Variants in MEX3A observed in about 807,000 individuals in gnomAD.
MEX3A encodes RNA-binding protein MEX3A.
MEX3A carries 4 observed loss-of-function variants against 30.0 expected under a neutral mutation model. The ratio of observed to expected loss-of-function variants is 0.13; its 90% CI spans 0.07 to 0.30. The LOEUF is 0.30. MEX3A is among the 10% of genes least tolerant of loss of function. The pLI is 1.00. For synonymous variants in MEX3A, 335 were observed against 327.6 expected (o/e 1.02, Z -0.24); for missense variants, 555 against 736.7 (o/e 0.75, Z 2.86).
intron 1 of MEX3A, 102 bp downstream of exon 1, chr1:156,081,443 C>G: frequency 9.7e-7 from 1 of 1,033,812 alleles, no homozygotes; most frequent in South Asian, 1.4e-5. Flanking sequence ...GGGGAAGGGA[C>G]AGAGCCGGAG....
rs1219181662 is a variant in MEX3A at position 156,073,953 on chromosome 1, G to C, written c.*2621C>G. 5 of 152,658 alleles carry C rather than the reference G, an allele frequency of 3.3e-5. No individual in the cohort carries two copies. The South Asian group carries it at 6.2e-4, about 19-fold the overall frequency. The allele number at this position is 152,658 out of a possible 1,614,324, so 9.5% of individuals were successfully genotyped here. A position where few individuals can be genotyped will look rare whatever the true frequency, so the allele number is the denominator to read the frequency against. The stretch of plus-strand genomic sequence containing the variant: ...TGTTTGGCTCTGCCGGCTCCCCTGA[G>C]GGGGAGGGGGAGAGGGGAGGAGGAG... On this transcript the variant is annotated 3_prime_UTR_variant, in exon 2 of 2. Transcript: ENST00000532414.
At position 156,074,829 on chromosome 1, in the gene MEX3A, A is replaced by C. The variant is rs534797535; in HGVS notation, c.*1745T>G. On this transcript the variant is annotated 3_prime_UTR_variant, in exon 2 of 2. Coordinates refer to ENST00000532414, the MANE Select transcript of MEX3A (RefSeq NM_001093725.2). ...CTCCCTGGCTGGTGTTCTGGAGGGGAAGGCTGTGGAGAGGTGTTAATTCTC... is the reference window on the plus strand; with the variant it reads ...CTCCCTGGCTGGTGTTCTGGAGGGGCAGGCTGTGGAGAGGTGTTAATTCTC... 5.2e-5 allele frequency: 8 copies of C among 152,742 alleles called. No homozygotes were observed. The highest frequency in any genetic ancestry group is 5.2e-4 in the Admixed American group (8 of 15,286). 9.5% of individuals were successfully genotyped at this position (152,742 alleles called of 1,614,324 possible). A position where few individuals can be genotyped will look rare whatever the true frequency, so the allele number is the denominator to read the frequency against.
In MEX3A at chr1:156,081,906, C is replaced by T; in HGVS notation, c.93G>A (p.Leu31=). The T allele has an allele frequency of 6.5e-7, 1 of 1,527,528 alleles. No individual in the cohort carries two copies. Among genetic ancestry groups the T allele is most frequent in the Non-Finnish European group, 8.8e-7 (1 of 1,136,220 alleles). The allele number at this position is 1,527,528 out of a possible 1,614,324, so 94.6% of individuals were successfully genotyped here. A position where few individuals can be genotyped will look rare whatever the true frequency, so the allele number is the denominator to read the frequency against. Residue 31 remains leucine (L), a synonymous_variant, in exon 1 of 2, where the codon CTG becomes CTA. Transcript: ENST00000532414. ...GCTGAAGGGCGCGCTCGTCTTCCAG[C>T]AGCCCTCGGTCCTTAGCGCTTCCCC... is the stretch of plus-strand genomic sequence containing the variant. ...CFGGSAKDRG[L]LEDERALQLA...
In MEX3A at chr1:156,074,743, G is replaced by A. The variant is rs1262977912; in HGVS notation, c.*1831C>T. On this transcript the variant is annotated 3_prime_UTR_variant, in exon 2 of 2. Transcript: ENST00000532414. ...CAGACATCTCAGGATGGCTCACATA[G>A]GCGGGAAGGAGGGAAGTCGTCACAG... The A allele has an allele frequency of 2.6e-5, 4 of 152,254 alleles. No individual in the cohort carries two copies. Among genetic ancestry groups the A allele is most frequent in the Admixed American group, 6.6e-5 (1 of 15,202 alleles). 9.4% of individuals were successfully genotyped at this position (152,254 alleles called of 1,614,324 possible).
chr1:156,076,966 G>C lies in MEX3A; in HGVS notation c.1171C>G (p.Leu391Val). Reference sequence around the variant, plus strand: ...GTGGCGTTCTCCTGGCCCGCCCACAGCGGGGGGCTAGTCTCGGCCACGCCG... The same window carrying C: ...GTGGCGTTCTCCTGGCCCGCCCACACCGGGGGGCTAGTCTCGGCCACGCCG... ...YYGVAETSPP[L>V]WAGQENATPT... Residue 391 changes from leucine (L) to valine (V), a missense_variant, in exon 2 of 2, where the codon CTG (leucine) becomes GTG (valine). Transcript: ENST00000532414. This position sits in a 1 kb window ranked among gnomAD's most constrained non-coding sequence, Gnocchi z 6.0. 3 of 1,611,652 alleles carry C rather than the reference G, an allele frequency of 1.9e-6. No homozygotes were observed. The highest frequency in any genetic ancestry group is 2.5e-6 in the Non-Finnish European group (3 of 1,179,022).
Position 156,077,159 on chromosome 1 carries a change from G to C in MEX3A, c.978C>G (p.Pro326=), listed in dbSNP as rs561442043. Residue 326 remains proline, a synonymous_variant, in exon 2 of 2, where the codon CCC becomes CCG. Transcript: ENST00000532414. This position sits in a 1 kb window ranked among gnomAD's most constrained non-coding sequence, Gnocchi z 8.3. ...GGAAGGTGGAGAGGGGCTTGCAGCC[G>C]GGCTGGTGCACCCGCCAGGCGTCGG... ...RYSDAWRVHQ[P]GCKPLSTFRQ... is the part of the protein sequence containing the mutation. The C allele has an allele frequency of 1.1e-5, 17 of 1,613,512 alleles. No individual in the cohort carries two copies. In the East Asian group the frequency reaches 2.9e-4, roughly 28 times the overall value.
At position 156,077,130 on chromosome 1, in the gene MEX3A, T is replaced by G; in HGVS notation, c.1007A>C (p.Gln336Pro). The G allele has an allele frequency of 6.2e-7, 1 of 1,613,794 alleles. No homozygotes were observed. Among genetic ancestry groups the G allele is most frequent in the Non-Finnish European group, 8.5e-7 (1 of 1,179,832 alleles). The change falls in exon 2 of 2, where the codon CAG becomes CCG. Residue 336 changes from glutamine to proline, a missense_variant. This residue lies in a region of MEX3A where 281 missense variants were observed against 265.1 expected (regional missense o/e 1.06). Coordinates refer to ENST00000532414, the MANE Select transcript of MEX3A (RefSeq NM_001093725.2). The surrounding 1 kb of genome is among the most constrained non-coding windows in gnomAD (Gnocchi z 8.3). Reference sequence around the variant, plus strand: ...CTCGCCGATGCAGCCCAGGCTGTTCTGCCGGAAGGTGGAGAGGGGCTTGCA... The same window carrying G: ...CTCGCCGATGCAGCCCAGGCTGTTCGGCCGGAAGGTGGAGAGGGGCTTGCA... ...PGCKPLSTFR[Q>P]NSLGCIGECG...
chr1:156,081,755 G>A lies in MEX3A; in HGVS notation c.244C>T (p.Pro82Ser). ...GCCGGGGGCGCCGCGGGCGGCGGCG[G>A]CGGGGCCGGCTGCGGGGGGGCGGCC... The part of the protein sequence containing the change: ...QPAAPPQPAP[P>S]PPPAAPPAAP... The change falls in exon 1 of 2, where the codon CCG (proline) becomes TCG (serine). Residue 82 changes from proline to serine, a missense_variant. Physicochemically the swap from Pro to Ser is moderately conservative, Grantham distance 74 (BLOSUM62 -1). Coordinates refer to ENST00000532414, the MANE Select transcript of MEX3A (RefSeq NM_001093725.2). 1.2e-6 allele frequency: 1 copy of A among 837,870 alleles called. No individual in the cohort carries two copies. Among genetic ancestry groups the A allele is most frequent in the Non-Finnish European group, 1.4e-6 (1 of 697,114 alleles). The allele number at this position is 837,870 out of a possible 1,614,324, so 51.9% of individuals were successfully genotyped here. A position where few individuals can be genotyped will look rare whatever the true frequency, so the allele number is the denominator to read the frequency against.
chr1:156,082,017 GGAGAGAGAGAGGGA>G lies in MEX3A; in HGVS notation c.-33_-20del. The G allele has an allele frequency of 7.0e-7, 1 of 1,430,060 alleles. No homozygotes were observed. The highest frequency in any genetic ancestry group is 9.3e-7 in the Non-Finnish European group (1 of 1,074,442). The allele number at this position is 1,430,060 out of a possible 1,614,324, so 88.6% of individuals were successfully genotyped here. A position where few individuals can be genotyped will look rare whatever the true frequency, so the allele number is the denominator to read the frequency against. On this transcript the variant is annotated 5_prime_UTR_variant, in exon 1 of 2. Coordinates refer to ENST00000532414, the MANE Select transcript of MEX3A (RefSeq NM_001093725.2). ...TAGGCATGGCGAAACAAAAGCTGGG[GGAGAGAGAGAGGGA>G]GAGAGAGAGAGAGAGGTGGTGGAAG... is the stretch of plus-strand genomic sequence containing the variant.
chr1:156,080,648 A>G (rs1286507961), intron 1 of MEX3A, among the ~76,000 whole-genome samples: 3 of 151,810 alleles, frequency 2.0e-5, no homozygotes, highest in Non-Finnish European at 4.4e-5. Context: ...TCACCCACCC[A>G]GGGATGCTGG....
At position 156,081,531 on chromosome 1, in the gene MEX3A, G is replaced by A. The variant is rs762680589; in HGVS notation, c.454+14C>T. ...CACTACAGTCCCTCTCAGTGGTCCC[G>A]GCGCCCCGCTTACCTTGCCTGCCCA... is the stretch of plus-strand genomic sequence containing the variant. On this transcript the variant is annotated intron_variant, in intron 1 of 1. Coordinates refer to ENST00000532414, the MANE Select transcript of MEX3A (RefSeq NM_001093725.2). The A allele has an allele frequency of 6.2e-7, 1 of 1,602,144 alleles. No individual in the cohort carries two copies. Among genetic ancestry groups the A allele is most frequent in the South Asian group, 1.1e-5 (1 of 89,668 alleles).
At position 156,082,092 on chromosome 1, in the gene MEX3A, G is replaced by A. The variant is rs1648271169; in HGVS notation, c.-94C>T. On this transcript the variant is annotated 5_prime_UTR_variant, in exon 1 of 2. Transcript: ENST00000532414. The stretch of plus-strand genomic sequence containing the variant: ...AGAGAGGAGGGGAGGGGAGAGGAGA[G>A]GAGGGGGTGTGTGGGGAGGGGGGAA... 1 of 335,540 alleles carries A rather than the reference G, an allele frequency of 3.0e-6. No homozygotes were observed. The highest frequency in any genetic ancestry group is 5.3e-6 in the Non-Finnish European group (1 of 190,044). 20.8% of individuals were successfully genotyped at this position (335,540 alleles called of 1,614,324 possible).
intron 1 of MEX3A, among the ~76,000 whole-genome samples, chr1:156,081,071 A>G (rs1648214225): frequency 6.6e-6 from 1 of 151,916 alleles, no homozygotes; most frequent in South Asian, 2.1e-4. Context: ...AGCCCAACAA[A>G]GAGACAGATA....
In MEX3A at chr1:156,077,729, A is replaced by C. The variant is rs779388044; in HGVS notation, c.455-47T>G. The C allele has an allele frequency of 2.0e-6, 3 of 1,525,484 alleles. No homozygotes were observed. Among genetic ancestry groups the C allele is most frequent in the Non-Finnish European group, 2.6e-6 (3 of 1,141,866 alleles). The allele number at this position is 1,525,484 out of a possible 1,614,324, so 94.5% of individuals were successfully genotyped here. ...GAGAGACAAAGAAACGCACACAGCA[A>C]GGTTTGTGCTGGGACCAATAAATTC... is the stretch of plus-strand genomic sequence containing the variant. On this transcript the variant is annotated intron_variant, in intron 1 of 1. Coordinates refer to ENST00000532414, the MANE Select transcript of MEX3A (RefSeq NM_001093725.2). This position sits in a 1 kb window ranked among gnomAD's most constrained non-coding sequence, Gnocchi z 8.3.
Position 156,081,986 on chromosome 1 carries a change from C to G in MEX3A, c.13G>C (p.Val5Leu). Residue 5 changes from valine to leucine, a missense_variant, in exon 1 of 2, where the codon GTG becomes CTG. Coordinates refer to ENST00000532414, the MANE Select transcript of MEX3A (RefSeq NM_001093725.2). MPSL[V>L]VSGIMERNGG... is the part of the protein sequence containing the mutation. ...TTTCTTTCCATTATTCCAGATACCA[C>G]TAGACTAGGCATGGCGAAACAAAAG... is the stretch of plus-strand genomic sequence containing the variant. 1.3e-6 allele frequency: 2 copies of G among 1,526,408 alleles called. No individual in the cohort carries two copies. The highest frequency in any genetic ancestry group is 8.8e-7 in the Non-Finnish European group (1 of 1,135,166). 94.6% of individuals were successfully genotyped at this position (1,526,408 alleles called of 1,614,324 possible). A position where few individuals can be genotyped will look rare whatever the true frequency, so the allele number is the denominator to read the frequency against.
Position 156,074,190 on chromosome 1 carries a change from A to AT in MEX3A, c.*2383dup, listed in dbSNP as rs759272894. 2.2e-4 allele frequency: 33 copies of AT among 152,046 alleles called. No homozygotes were observed. The highest frequency in any genetic ancestry group is 4.1e-4 in the Non-Finnish European group (28 of 67,918). The allele number at this position is 152,046 out of a possible 1,614,324, so 9.4% of individuals were successfully genotyped here. A position where few individuals can be genotyped will look rare whatever the true frequency, so the allele number is the denominator to read the frequency against. ...AAGATTTAACTCTGAATACAAATGT[A>AT]TTTTTTTCTTCTTCTCTCCCTACAT... On this transcript the variant is annotated 3_prime_UTR_variant, in exon 2 of 2. Coordinates refer to ENST00000532414, the MANE Select transcript of MEX3A (RefSeq NM_001093725.2).
In MEX3A at chr1:156,081,944, G is replaced by T; in HGVS notation, c.55C>A (p.Leu19Ile). The T allele has an allele frequency of 9.7e-6, 15 of 1,539,488 alleles. No individual in the cohort carries two copies. Among genetic ancestry groups the T allele is most frequent in the Non-Finnish European group, 1.3e-5 (15 of 1,141,452 alleles). ...TTAGCGCTTCCCCCGAAACATCCTAGTTCTCCAAAGCCCCCATTTCTTTCC... is the reference window on the plus strand; with the variant it reads ...TTAGCGCTTCCCCCGAAACATCCTATTTCTCCAAAGCCCCCATTTCTTTCC... Reference protein sequence around the residue: ...IMERNGGFGELGCFGGSAKDR... With the variant: ...IMERNGGFGEIGCFGGSAKDR... The change falls in exon 1 of 2, where the codon CTA (leucine) becomes ATA (isoleucine). Residue 19 changes from leucine to isoleucine, a missense_variant. This residue lies in a region of MEX3A where 159 missense variants were observed against 159.9 expected (regional missense o/e 0.99). Transcript: ENST00000532414.
At chr1:156,078,017 AC>A (rs1282715291) in intron 1 of MEX3A, among the ~76,000 whole-genome samples, 5 of 152,100 alleles carry the variant, frequency 3.3e-5, no homozygotes, top group African/African-American at 1.2e-4. Flanking sequence ...AAATCCATTC[AC>A]AAACTACACT....
At chr1:156,080,239 C>T (rs780036189) in intron 1 of MEX3A, among the ~76,000 whole-genome samples, 1 of 152,166 alleles carries the variant, frequency 6.6e-6, no homozygotes, top group African/African-American at 2.4e-5. Flanking sequence ...GGAAATCCAA[C>T]TTTCTAAATC....
Sources: gnomAD v4.1 joint callset for allele counts (sites outside exome capture counted in the v4.1 genomes callset) on GRCh38, gnomAD v4.1.1 for gene constraint, gnomAD v4.1.1 regional missense constraint, Gnocchi (gnomAD v3.1) non-coding constraint, MANE v1.5 for transcripts, NCBI Gene and HGNC (gene_info 2026-07-23, HGNC 2026-07-21) for gene names.